Variants in DPYSL2 observed in about 807,000 individuals in gnomAD.
The protein encoded by DPYSL2 is dihydropyrimidinase-related protein 2.
DPYSL2 carries 13 observed loss-of-function variants against 69.9 expected under a neutral mutation model. The ratio of observed to expected loss-of-function variants is 0.19; its 90% CI spans 0.12 to 0.30. The LOEUF (loss-of-function observed/expected upper bound fraction) is 0.30. DPYSL2 is among the 10% of genes least tolerant of loss of function. The probability of loss-of-function intolerance (pLI) is 1.00; values close to 1 mark genes in which losing one functional copy is unlikely to be tolerated. For synonymous variants in DPYSL2, 326 were observed against 359.1 expected, an observed-to-expected ratio of 0.91 and a Z score of 1.04; for missense variants, 587 against 918.9, an observed-to-expected ratio of 0.64 and a Z score of 4.67.
intron 3 of DPYSL2, among the ~76,000 whole-genome samples, chr8:26,592,776 C>T (rs914479081): frequency 1.2e-4 from 19 of 152,106 alleles, no homozygotes; most frequent in Admixed American, 7.9e-4. Context: ...TGTGCCCGGC[C>T]GGTACATTAG....
rs1038809096 is a variant in DPYSL2 at position 26,644,906 on chromosome 8, AG to A, written c.1425+817del. On this transcript the variant is annotated intron_variant, in intron 10 of 13. Transcript: ENST00000521913. This position sits in a 1 kb window ranked among gnomAD's most constrained non-coding sequence, Gnocchi z 4.5. ...ATGTTTTAAAATATATTAACAGAATAGGTTTTCTGTTTTTTAGTGAATTGTT... is the reference window on the plus strand; with the variant it reads ...ATGTTTTAAAATATATTAACAGAATAGTTTTCTGTTTTTTAGTGAATTGTT... Among the ~76,000 whole-genome samples the A allele has an allele frequency of 2.6e-5, 4 of 152,162 alleles. No individual in the cohort carries two copies. The highest frequency in any genetic ancestry group is 7.2e-5 in the African/African-American group (3 of 41,436).
At chr8:26,612,900 C>G (rs1425379113) in intron 3 of DPYSL2, among the ~76,000 whole-genome samples, 1 of 152,228 alleles carries the variant, frequency 6.6e-6, no homozygotes, top group Non-Finnish European at 1.5e-5. Flanking sequence ...AGTCCCGTGG[C>G]CTCCAGGCTC....
chr8:26,584,954 A>G (rs1585525464), intron 3 of DPYSL2, among the ~76,000 whole-genome samples: 1 of 152,206 alleles, frequency 6.6e-6, no homozygotes, highest in Admixed American at 6.5e-5. Flanking sequence ...TCTGAACTGT[A>G]TTCACAGCAC....
intron 1 of DPYSL2, among the ~76,000 whole-genome samples, chr8:26,532,623 A>C (rs901854101): frequency 7.2e-5 from 11 of 152,132 alleles, no homozygotes; most frequent in Non-Finnish European, 1.6e-4. Flanking sequence ...AACATATACT[A>C]TGTGGTCTTT....
At chr8:26,607,720 G>T (rs2129839737) in intron 3 of DPYSL2, among the ~76,000 whole-genome samples, 1 of 151,854 alleles carries the variant, frequency 6.6e-6, no homozygotes. Flanking sequence ...AGCCTGGCAG[G>T]TTGAGGCTGC....
intron 8 of DPYSL2, among the ~76,000 whole-genome samples, chr8:26,636,792 G>A (rs112120708): frequency 0.13 from 19,081 of 152,032 alleles, 2,106 homozygotes; most frequent in African/African-American, 0.29. Context: ...CCAGGCAGGC[G>A]TGCAGTGGTG....
chr8:26,627,426 G>T lies in DPYSL2; in HGVS notation c.936+131G>T. ...AGGGACCTGGTGTTCCCTTGCTGGA[G>T]CTCTGCTCAGTCTCACCCATGGCAT... is the stretch of plus-strand genomic sequence containing the variant. On this transcript the variant is annotated intron_variant, in intron 6 of 13. Transcript: ENST00000521913. The surrounding 1 kb of genome is among the most constrained non-coding windows in gnomAD (Gnocchi z 6.9). 1.1e-6 allele frequency: 1 copy of T among 920,872 alleles called. No homozygotes were observed. The highest frequency in any genetic ancestry group is 2.6e-5 in the East Asian group (1 of 38,796). The allele number at this position is 920,872 out of a possible 1,614,324, so 57.0% of individuals were successfully genotyped here.
chr8:26,621,283 C>G lies in DPYSL2; in HGVS notation c.629-2860C>G, dbSNP rs150788960. On this transcript the variant is annotated intron_variant, in intron 3 of 13. Transcript: ENST00000521913. This position sits in a 1 kb window ranked among gnomAD's most constrained non-coding sequence, Gnocchi z 4.9. ...AAATTTTCTGTATTTTTGAAATTTT[C>G]TACTCAAAGAATCATATCATCAGAA... Among the ~76,000 whole-genome samples, 1 of 152,184 alleles carries G rather than the reference C, an allele frequency of 6.6e-6. No homozygotes were observed. The highest frequency in any genetic ancestry group is 2.4e-5 in the African/African-American group (1 of 41,450).
In DPYSL2 at chr8:26,564,504, T is replaced by G. The variant is rs960690857; in HGVS notation, c.355-17465T>G. 6.6e-6 allele frequency among the ~76,000 whole-genome samples: 1 copy of G among 152,106 alleles called. No homozygotes were observed. The highest frequency in any genetic ancestry group is 6.5e-5 in the Admixed American group (1 of 15,286). On this transcript the variant is annotated intron_variant, in intron 1 of 13. Transcript: ENST00000521913. The surrounding 1 kb of genome is among the most constrained non-coding windows in gnomAD (Gnocchi z 4.8). ...CCTTGAATGGGCTGACGTCTTCCTG[T>G]GAGACCTAGGGAAGGAGAAAAGAGG...
chr8:26,594,531 C>T (rs1183537462), intron 3 of DPYSL2, among the ~76,000 whole-genome samples: 1 of 152,142 alleles, frequency 6.6e-6, no homozygotes, highest in African/African-American at 2.4e-5. Context: ...TGGTCTATAT[C>T]TATCTTGATA....
At chr8:26,515,185 C>G (rs894906380) in intron 1 of DPYSL2, among the ~76,000 whole-genome samples, 3 of 152,202 alleles carry the variant, frequency 2.0e-5, no homozygotes, top group African/African-American at 7.2e-5. Context: ...CGCTCACGTC[C>G]CGAGCTCCGA....
Position 26,582,586 on chromosome 8 carries a change from C to CA in DPYSL2, c.443+532dup, listed in dbSNP as rs1361527636. 1.3e-5 allele frequency among the ~76,000 whole-genome samples: 2 copies of CA among 152,166 alleles called. No homozygotes were observed. The highest frequency in any genetic ancestry group is 2.9e-5 in the Non-Finnish European group (2 of 68,032). On this transcript the variant is annotated intron_variant, in intron 2 of 13. Transcript: ENST00000521913. This position sits in a 1 kb window ranked among gnomAD's most constrained non-coding sequence, Gnocchi z 4.1. ...GTTTTATTCTAAGTGGCAACTAGTG[C>CA]AAATAAGACTGCCCTTGTGTTTATT...
Position 26,562,920 on chromosome 8 carries a change from C to T in DPYSL2, c.355-19049C>T, listed in dbSNP as rs747883234. Among the ~76,000 whole-genome samples the T allele has an allele frequency of 3.9e-5, 6 of 152,166 alleles. No individual in the cohort carries two copies. The highest frequency in any genetic ancestry group is 8.8e-5 in the Non-Finnish European group (6 of 68,036). ...TTGGCACCATGGCAGGAAGGCTGGG[C>T]TTGGGGGGACTCTGCTGGAATTCCT... On this transcript the variant is annotated intron_variant, in intron 1 of 13. Coordinates refer to ENST00000521913, the MANE Select transcript of DPYSL2 (RefSeq NM_001197293.3). This position sits in a 1 kb window ranked among gnomAD's most constrained non-coding sequence, Gnocchi z 4.9.
rs1274324124 is a variant in DPYSL2 at position 26,514,597 on chromosome 8, G to T, written c.272G>T (p.Gly91Val). 1.3e-6 allele frequency: 2 copies of T among 1,509,738 alleles called. No homozygotes were observed. The highest frequency in any genetic ancestry group is 2.1e-5 in the Admixed American group (1 of 47,012). The allele number at this position is 1,509,738 out of a possible 1,614,324, so 93.5% of individuals were successfully genotyped here. The change falls in exon 1 of 14, where the codon GGA (glycine) becomes GTA (valine). Residue 91 changes from glycine to valine, a missense_variant. Gly to Val is a moderately radical substitution (Grantham distance 109). Transcript: ENST00000521913. The surrounding 1 kb of genome is among the most constrained non-coding windows in gnomAD (Gnocchi z 8.4). ...PYSRQGRRAG[G>V]EPSVESGRKV... ...TCGCGGCAGGGCCGGCGCGCCGGCG[G>T]AGAGCCATCTGTTGAATCGGGCCGG...
Position 26,658,135 on chromosome 8 carries a change from T to C in DPYSL2, c.*2429T>C, listed in dbSNP as rs112649025. 2.0e-5 allele frequency: 3 copies of C among 152,598 alleles called. No homozygotes were observed. The East Asian group carries it at 5.8e-4, about 29-fold the overall frequency. 9.5% of individuals were successfully genotyped at this position (152,598 alleles called of 1,614,324 possible). A position where few individuals can be genotyped will look rare whatever the true frequency, so the allele number is the denominator to read the frequency against. Reference sequence around the variant, plus strand: ...TATTCCTTAAGAACTCTGTGTTATATTACCATGGAACGCCTAATAAAGCAA... The same window carrying C: ...TATTCCTTAAGAACTCTGTGTTATACTACCATGGAACGCCTAATAAAGCAA... On this transcript the variant is annotated 3_prime_UTR_variant, in exon 14 of 14. Transcript: ENST00000521913. The surrounding 1 kb of genome is among the most constrained non-coding windows in gnomAD (Gnocchi z 4.7).
intron 1 of DPYSL2, among the ~76,000 whole-genome samples, chr8:26,524,835 A>AAAAAAAAAAAAAAAAAAAAAAAAAAG (rs1563374151): frequency 1.3e-5 from 1 of 74,184 alleles, no homozygotes; most frequent in African/African-American, 4.3e-5. Flanking sequence ...AAAAAAAAAA[A>AAAAAAAAAAAAAAAAAAAAAAAAAAG]AGAGAGAGAA....
At chr8:26,558,486 A>G (rs1449971506) in intron 1 of DPYSL2, among the ~76,000 whole-genome samples, 1 of 152,006 alleles carries the variant, frequency 6.6e-6, no homozygotes, top group Non-Finnish European at 1.5e-5. Flanking sequence ...GGACAGTGAA[A>G]CTCTTCTACA....
Position 26,648,968 on chromosome 8 carries a change from C to T in DPYSL2, c.1596+1168C>T, listed in dbSNP as rs756739132. Among the ~76,000 whole-genome samples the T allele has an allele frequency of 2.0e-5, 3 of 152,202 alleles. No homozygotes were observed. The highest frequency in any genetic ancestry group is 1.9e-4 in the East Asian group (1 of 5,196). ...GCCTGGCAGCGCAGCCTTATGATCGCGCCCCTTACAGCCCAGATCATGACT... is the reference window on the plus strand; with the variant it reads ...GCCTGGCAGCGCAGCCTTATGATCGTGCCCCTTACAGCCCAGATCATGACT... On this transcript the variant is annotated intron_variant, in intron 11 of 13. Transcript: ENST00000521913. This position sits in a 1 kb window ranked among gnomAD's most constrained non-coding sequence, Gnocchi z 4.3.
At chr8:26,536,002 G>A (rs1286987786) in intron 1 of DPYSL2, among the ~76,000 whole-genome samples, 1 of 151,250 alleles carries the variant, frequency 6.6e-6, no homozygotes, top group African/African-American at 2.4e-5. Context: ...GCTCACCACA[G>A]CCCCAACTTC....
Sources: gnomAD v4.1 joint callset for allele counts (sites outside exome capture counted in the v4.1 genomes callset) on GRCh38, gnomAD v4.1.1 for gene constraint, Gnocchi (gnomAD v3.1) non-coding constraint, MANE v1.5 for transcripts, NCBI Gene and HGNC (gene_info 2026-07-23, HGNC 2026-07-21) for gene names.